DYDC1: variants seen among roughly 807,000 people sequenced by gnomAD.
DYDC1 encodes the protein DPY30 domain-containing protein 1.
DYDC1 carries 21 observed loss-of-function variants against 27.9 expected under a neutral mutation model. That is an observed-to-expected ratio of 0.75 (90% CI 0.53 to 1.08). DYDC1 has a LOEUF of 1.08. DYDC1 is among the 50% of genes least tolerant of loss of function. The pLI, the probability that DYDC1 is intolerant of heterozygous loss-of-function variation, is 0.00. For missense variants in DYDC1, 202 were observed against 205.9 expected, an observed-to-expected ratio of 0.98 and a Z score of 0.12; for synonymous variants, 67 against 65.8, an observed-to-expected ratio of 1.02 and a Z score of -0.09.
intron 3 of DYDC1, among the ~76,000 whole-genome samples, chr10:80,347,806 G>A (rs905400636): frequency 7.9e-5 from 12 of 152,116 alleles, no homozygotes; most frequent in Non-Finnish European, 1.6e-4. Context: ...TGTTCCACTG[G>A]TCTATGTGTC....
At chr10:80,337,323 C>T (rs1437475167) in intron 6 of DYDC1, 2 of 985,366 alleles carry the variant, frequency 2.0e-6, no homozygotes, top group Non-Finnish European at 2.4e-6. Flanking sequence ...CTGCATAGTG[C>T]CAAATCATAG....
At chr10:80,340,272 T>C (rs547511324) in intron 4 of DYDC1, among the ~76,000 whole-genome samples, 1 of 152,314 alleles carries the variant, frequency 6.6e-6, no homozygotes, top group African/African-American at 2.4e-5. Context: ...AGAATCCTTC[T>C]AGCAAACTTC....
In DYDC1 at chr10:80,338,311, T is replaced by A. The variant is rs1842202245; in HGVS notation, c.504+156A>T. The A allele has an allele frequency of 8.8e-6, 12 of 1,367,984 alleles. No individual in the cohort carries two copies. In the South Asian group the frequency reaches 2.1e-4, roughly 24 times the overall value. 84.7% of individuals were successfully genotyped at this position (1,367,984 alleles called of 1,614,324 possible). A position where few individuals can be genotyped will look rare whatever the true frequency, so the allele number is the denominator to read the frequency against. The stretch of plus-strand genomic sequence containing the variant: ...GGCAGAATGCCAATTAGGAATATAA[T>A]CCGCAACCAGGGAACTGATTTTCTT... On this transcript the variant is annotated intron_variant, in intron 6 of 6. Coordinates refer to ENST00000372202, the MANE Select transcript of DYDC1 (RefSeq NM_001269053.2).
chr10:80,354,144 A>ATT (rs1324273411), intron 1 of DYDC1, among the ~76,000 whole-genome samples: 6 of 148,640 alleles, frequency 4.0e-5, no homozygotes, highest in East Asian at 2.0e-4. Context: ...ATATATATAT[A>ATT]TTTTTTCCTG....
intron 3 of DYDC1, among the ~76,000 whole-genome samples, chr10:80,343,285 C>T (rs553047858): frequency 9.2e-5 from 14 of 152,156 alleles, no homozygotes; most frequent in East Asian, 1.9e-4. Context: ...AATTTGTTTA[C>T]GTATTGTCTA....
intron 4 of DYDC1, among the ~76,000 whole-genome samples, chr10:80,341,241 A>G (rs1842306668): frequency 6.6e-6 from 1 of 151,950 alleles, no homozygotes; most frequent in Admixed American, 6.6e-5. Flanking sequence ...TGATTGTATC[A>G]TGTCAGCTTG....
chr10:80,338,559 C>A lies in DYDC1; in HGVS notation c.412G>T (p.Asp138Tyr), dbSNP rs753801957. The change falls in exon 6 of 7, where the codon GAC (aspartate) becomes TAC (tyrosine). Residue 138 changes from aspartate (D) to tyrosine (Y), a missense_variant. Coordinates refer to ENST00000372202, the MANE Select transcript of DYDC1 (RefSeq NM_001269053.2). ...DILHSEEATL[D>Y]SGKTLAEISD... ...ATTTCAGCTAGTGTTTTGCCTGAGT[C>A]TAGTGTTGCTTCCTACAATCAAAAA... The A allele has an allele frequency of 1.9e-6, 3 of 1,578,608 alleles. No individual in the cohort carries two copies. The African/African-American group carries it at 4.1e-5, about 21-fold the overall frequency.
intron 3 of DYDC1, among the ~76,000 whole-genome samples, chr10:80,350,766 T>G (rs543235960): frequency 6.6e-6 from 1 of 152,344 alleles, no homozygotes; most frequent in East Asian, 1.9e-4. Flanking sequence ...GGTAGAACTA[T>G]GGAAGTGGCT....
At chr10:80,344,987 T>C (rs1170802890) in intron 3 of DYDC1, among the ~76,000 whole-genome samples, 1 of 152,172 alleles carries the variant, frequency 6.6e-6, no homozygotes, top group Non-Finnish European at 1.5e-5. Context: ...AGATGTGTCA[T>C]AGCTGACAGT....
intron 6 of DYDC1, 46 bp from the exon 7 acceptor site, chr10:80,336,231 T>C (rs1446492538): frequency 2.6e-6 from 4 of 1,527,320 alleles, no homozygotes; most frequent in Non-Finnish European, 8.7e-7. Context: ...CAATTAGAAC[T>C]GTGAAAAGGC....
At chr10:80,337,020 C>A (rs568962486) in intron 6 of DYDC1, 1 of 634,432 alleles carries the variant, frequency 1.6e-6, no homozygotes, top group South Asian at 7.0e-5. Context: ...ACATACAAGA[C>A]CCAGTGTGCT....
At chr10:80,346,907 T>C (rs1296949077) in intron 3 of DYDC1, among the ~76,000 whole-genome samples, 1 of 151,312 alleles carries the variant, frequency 6.6e-6, no homozygotes. Flanking sequence ...AAACCCCGTC[T>C]CTACTAAAAA....
At position 80,346,444 on chromosome 10, in the gene DYDC1, C is replaced by CTTTTTTTTTTTTTTTTTTTTTTTTT. The variant is rs1032729095; in HGVS notation, c.250-4108_250-4084dup. ...TCACCAATGTGTGTCTCTTCCCTTTCTTTTTTTTTTTTTTTTTTTTTTTTT... is the reference window on the plus strand; with the variant it reads ...TCACCAATGTGTGTCTCTTCCCTTTCTTTTTTTTTTTTTTTTTTTTTTTTTTTTTTTTTTTTTTTTTTTTTTTTTT... On this transcript the variant is annotated intron_variant, in intron 3 of 6. Coordinates refer to ENST00000372202, the MANE Select transcript of DYDC1 (RefSeq NM_001269053.2). 3.0e-4 allele frequency among the ~76,000 whole-genome samples: 25 copies of CTTTTTTTTTTTTTTTTTTTTTTTTT among 83,360 alleles called. 3 individuals are homozygous for CTTTTTTTTTTTTTTTTTTTTTTTTT. The highest frequency in any genetic ancestry group is 1.1e-3 in the African/African-American group (22 of 20,114). 54.7% of individuals were successfully genotyped at this position (83,360 alleles called of 152,430 possible).
At chr10:80,341,842 T>A (rs893501843) in intron 4 of DYDC1, among the ~76,000 whole-genome samples, 1 of 152,030 alleles carries the variant, frequency 6.6e-6, no homozygotes, top group Non-Finnish European at 1.5e-5. Flanking sequence ...CTGACCAACA[T>A]GGAGAAACCC....
chr10:80,352,425 C>T lies in DYDC1; in HGVS notation c.147+30G>A, dbSNP rs1198800869. On this transcript the variant is annotated intron_variant, in intron 2 of 6. Coordinates refer to ENST00000372202, the MANE Select transcript of DYDC1 (RefSeq NM_001269053.2). ...ACAAGTTGGACCAGTTTTTTTTCTT[C>T]TAATTTCCTAGAAGGAGATTCCTAC... 8 of 1,525,502 alleles carry T rather than the reference C, an allele frequency of 5.2e-6. No homozygotes were observed. In the Admixed American group the frequency reaches 9.2e-5, roughly 18 times the overall value. The allele number at this position is 1,525,502 out of a possible 1,614,324, so 94.5% of individuals were successfully genotyped here.
chr10:80,353,442 G>A (rs1050584584), intron 1 of DYDC1, among the ~76,000 whole-genome samples: 7 of 149,434 alleles, frequency 4.7e-5, no homozygotes, highest in African/African-American at 1.2e-4. Context: ...GATTACAGGC[G>A]TGAGCCACCG....
chr10:80,351,555 A>G (rs926167650), intron 3 of DYDC1, among the ~76,000 whole-genome samples: 1 of 151,450 alleles, frequency 6.6e-6, no homozygotes, highest in Non-Finnish European at 1.5e-5. Context: ...TTTTCCATTC[A>G]GCAATAGATA....
chr10:80,351,862 T>C (rs376617182), intron 3 of DYDC1, 39 bp downstream of exon 3: 2 of 1,593,462 alleles, frequency 1.3e-6, no homozygotes. Flanking sequence ...GTTGGCATCG[T>C]TAATTCCAGT....
chr10:80,342,231 T>C (rs1442265382), intron 4 of DYDC1, 38 bp downstream of exon 4: 1 of 1,593,030 alleles, frequency 6.3e-7, no homozygotes, highest in Admixed American at 1.7e-5. Context: ...TTCTAGAGAG[T>C]TTTAAATAAA....
Sources: allele counts gnomAD v4.1 joint callset (sites outside exome capture counted in the v4.1 genomes callset), GRCh38; gene constraint gnomAD v4.1.1; transcripts MANE v1.5; gene names NCBI Gene and HGNC (gene_info 2026-07-23, HGNC 2026-07-21).